Variants in LRRIQ3 observed in about 807,000 individuals in gnomAD.
The protein encoded by LRRIQ3 is leucine rich repeats and IQ motif containing 3.
A neutral mutation model predicts 59.3 loss-of-function variants in LRRIQ3; 75 were observed. The observed-to-expected ratio is 1.26, with a 90% CI of 1.05 to 1.53. LRRIQ3 has a LOEUF of 1.53. LRRIQ3 is among the 40% of genes most tolerant of loss of function. LRRIQ3 has a pLI of 0.00. For synonymous variants in LRRIQ3, 250 were observed against 231.3 expected (o/e 1.08, Z -0.73); for missense variants, 831 against 710.0 (o/e 1.17, Z -1.94).
chr1:74,049,138 G>T (rs969100119), intron 6 of LRRIQ3, among the ~76,000 whole-genome samples: 9 of 152,162 alleles, frequency 5.9e-5, no homozygotes, highest in Non-Finnish European at 1.0e-4. Flanking sequence ...GCAGTAGACA[G>T]AAGCACATTT....
chr1:74,187,883 A>G (rs1025107002), intron 1 of LRRIQ3, among the ~76,000 whole-genome samples: 9 of 152,130 alleles, frequency 5.9e-5, no homozygotes, highest in Admixed American at 5.9e-4. Context: ...AGACCTAAAA[A>G]CAGAAACAAC....
chr1:74,155,933 A>C, intron 3 of LRRIQ3, 67 bp from the exon 4 acceptor site: 1 of 934,178 alleles, frequency 1.1e-6, no homozygotes, highest in Non-Finnish European at 1.5e-6. Context: ...GATATTTTAA[A>C]TTTGGTAATC....
chr1:74,099,153 C>T (rs1345854468), intron 5 of LRRIQ3, among the ~76,000 whole-genome samples: 1 of 151,858 alleles, frequency 6.6e-6, no homozygotes, highest in African/African-American at 2.4e-5. Context: ...ATTGATAGAC[C>T]ACTAGCAAGA....
chr1:74,044,247 C>A (rs1383395138), intron 6 of LRRIQ3, among the ~76,000 whole-genome samples: 1 of 151,920 alleles, frequency 6.6e-6, no homozygotes, highest in Non-Finnish European at 1.5e-5. Flanking sequence ...GATGTGTGTC[C>A]CCTCCAAATC....
rs1161388137 is a variant in LRRIQ3, at chr1:74,026,597, T to A, written c.*216A>T. On this transcript the variant is annotated 3_prime_UTR_variant, in exon 8 of 8. Transcript: ENST00000354431. ...GTTTAATTGTTCCTTAGGCATCTGA[T>A]CTAAGAAATTTTTCAGAGGTGCTAA... The A allele has an allele frequency of 2.4e-6, 1 of 410,712 alleles. No individual in the cohort carries two copies. Among genetic ancestry groups the A allele is most frequent in the East Asian group, 4.5e-5 (1 of 22,140 alleles). 25.4% of individuals were successfully genotyped at this position (410,712 alleles called of 1,614,324 possible). A position where few individuals can be genotyped will look rare whatever the true frequency, so the allele number is the denominator to read the frequency against.
At chr1:74,038,132 G>A (rs1653928760) in intron 7 of LRRIQ3, among the ~76,000 whole-genome samples, 1 of 152,190 alleles carries the variant, frequency 6.6e-6, no homozygotes, top group Non-Finnish European at 1.5e-5. Flanking sequence ...ATGGAGCCAG[G>A]GAGTCTGGAT....
intron 5 of LRRIQ3, among the ~76,000 whole-genome samples, chr1:74,105,902 G>C (rs899345474): frequency 6.6e-6 from 1 of 152,008 alleles, no homozygotes; most frequent in Admixed American, 6.6e-5. Context: ...AGAGCTGAAT[G>C]CCAGGTTATT....
chr1:74,115,518 C>A (rs1646765660), intron 4 of LRRIQ3, among the ~76,000 whole-genome samples: 1 of 151,970 alleles, frequency 6.6e-6, no homozygotes, highest in African/African-American at 2.4e-5. Context: ...TAGAAAATAA[C>A]TCAAGAGTTC....
chr1:74,107,613 G>C (rs1646633247), intron 5 of LRRIQ3, among the ~76,000 whole-genome samples: 1 of 149,486 alleles, frequency 6.7e-6, no homozygotes, highest in African/African-American at 2.4e-5. Context: ...AATAATGAAA[G>C]ATAATAATAA....
chr1:74,064,667 C>T (rs1003069339), intron 6 of LRRIQ3, among the ~76,000 whole-genome samples: 25 of 152,072 alleles, frequency 1.6e-4, no homozygotes, highest in African/African-American at 5.5e-4. Flanking sequence ...TCTGGAATGT[C>T]TTTATTTCAC....
chr1:74,165,344 C>T (rs891749693), intron 3 of LRRIQ3, among the ~76,000 whole-genome samples: 2 of 151,632 alleles, frequency 1.3e-5, no homozygotes, highest in East Asian at 3.9e-4. Context: ...TTAAGTATTT[C>T]ATTTCTTTGA....
intron 5 of LRRIQ3, among the ~76,000 whole-genome samples, chr1:74,100,710 G>C (rs1185655782): frequency 1.3e-5 from 2 of 152,064 alleles, no homozygotes; most frequent in Admixed American, 1.3e-4. Context: ...CCAAAACAGA[G>C]TTATAAGCCA....
intron 3 of LRRIQ3, among the ~76,000 whole-genome samples, chr1:74,174,577 A>G (rs1382367667): frequency 1.3e-4 from 19 of 144,344 alleles, no homozygotes; most frequent in Non-Finnish European, 2.6e-4. Flanking sequence ...TATTTTTAGT[A>G]GAGACAGAGT....
chr1:74,052,791 T>C (rs1654407360), intron 6 of LRRIQ3, among the ~76,000 whole-genome samples: 1 of 152,174 alleles, frequency 6.6e-6, no homozygotes, highest in African/African-American at 2.4e-5. Context: ...CTTTTTTTCA[T>C]AATGTGTATT....
intron 5 of LRRIQ3, among the ~76,000 whole-genome samples, chr1:74,101,439 G>A (rs1434393004): frequency 2.0e-5 from 3 of 152,126 alleles, no homozygotes; most frequent in Admixed American, 1.3e-4. Context: ...GGAGAAATAG[G>A]AACACTTTTT....
chr1:74,026,377 G>A lies in LRRIQ3; in HGVS notation c.*436C>T, dbSNP rs1653514929. The stretch of plus-strand genomic sequence containing the variant: ...GAAATTGTTTTAACAAAATAAGCAG[G>A]AAATATATAAAAGCAGGTAATAAAA... On this transcript the variant is annotated 3_prime_UTR_variant, in exon 8 of 8. Transcript: ENST00000354431. 6.6e-6 allele frequency: 1 copy of A among 152,090 alleles called. No homozygotes were observed. Among genetic ancestry groups the A allele is most frequent in the Non-Finnish European group, 1.5e-5 (1 of 68,032 alleles). 9.4% of individuals were successfully genotyped at this position (152,090 alleles called of 1,614,324 possible).
At chr1:74,151,011 CTTTTTTTTTTTTT>C (rs59890149) in intron 4 of LRRIQ3, among the ~76,000 whole-genome samples, 2 of 63,414 alleles carry the variant, frequency 3.2e-5, no homozygotes, top group African/African-American at 5.5e-5. Context: ...ATGATGCTTT[CTTTTTTTTTTTTT>C]TTTTTTTTTT....
intron 6 of LRRIQ3, among the ~76,000 whole-genome samples, chr1:74,069,999 A>T (rs1654976023): frequency 6.6e-6 from 1 of 152,136 alleles, no homozygotes; most frequent in African/African-American, 2.4e-5. Flanking sequence ...GTTGTGGAGA[A>T]AAGAAAAGGT....
intron 2 of LRRIQ3, chr1:74,183,183 G>A (rs1650111597): frequency 2.5e-5 from 8 of 325,800 alleles, no homozygotes; most frequent in Admixed American, 1.8e-4. Flanking sequence ...AAGGAATCAT[G>A]AGGCATTCTT....
Sources: gnomAD v4.1 joint callset for allele counts (sites outside exome capture counted in the v4.1 genomes callset) on GRCh38, gnomAD v4.1.1 for gene constraint, MANE v1.5 for transcripts, NCBI Gene and HGNC (gene_info 2026-07-23, HGNC 2026-07-21) for gene names.